OR2L13: variants seen among roughly 807,000 people sequenced by gnomAD.
OR2L13 encodes the protein olfactory receptor family 2 subfamily L member 13.
In OR2L13, 14 loss-of-function variants were observed where a neutral mutation model predicts 15.3. The ratio of observed to expected loss-of-function variants is 0.91; its 90% CI spans 0.60 to 1.43. The LOEUF is 1.43. OR2L13 is among the 40% of genes most tolerant of loss of function. The pLI, the probability that OR2L13 is intolerant of heterozygous loss-of-function variation, is 0.00. For synonymous variants in OR2L13, 152 were observed against 142.9 expected (o/e 1.06, Z -0.45); for missense variants, 367 against 387.9 (o/e 0.95, Z 0.45).
At chr1:247,949,879 A>G in the OR2L13 span, 2 of 1,127,300 alleles carry the variant, frequency 1.8e-6, no homozygotes. Flanking sequence ...TGTCCTTCCT[A>G]GAGTGCAGGA....
At chr1:248,073,684 T>C in the OR2L13 span, among the ~76,000 whole-genome samples, 2 of 151,372 alleles carry the variant, frequency 1.3e-5, no homozygotes, top group Non-Finnish European at 3.0e-5. Context: ...AAAAGAAGCA[T>C]GGATGTTAGC....
chr1:248,081,120 C>T, the OR2L13 span, among the ~76,000 whole-genome samples: 4 of 152,180 alleles, frequency 2.6e-5, no homozygotes, highest in Admixed American at 2.6e-4. Flanking sequence ...AGCTAACCCA[C>T]CATTTTGAAG....
the OR2L13 span, among the ~76,000 whole-genome samples, chr1:247,950,803 A>C: frequency 6.6e-6 from 1 of 152,158 alleles, no homozygotes; most frequent in Middle Eastern, 3.2e-3. Flanking sequence ...GGTTGTAAAA[A>C]TATAGATAGC....
At chr1:247,995,997 A>G in the OR2L13 span, among the ~76,000 whole-genome samples, 3 of 152,140 alleles carry the variant, frequency 2.0e-5, no homozygotes, top group Admixed American at 6.5e-5. Flanking sequence ...TTCTCCACCA[A>G]TCAGCAATCC....
the OR2L13 span, among the ~76,000 whole-genome samples, chr1:248,077,476 C>CT: frequency 6.6e-6 from 1 of 152,100 alleles, no homozygotes; most frequent in Non-Finnish European, 1.5e-5. Context: ...TGGTCCTGGA[C>CT]TTTTTTTGGT....
At chr1:247,961,542 A>G in the OR2L13 span, among the ~76,000 whole-genome samples, 3 of 152,326 alleles carry the variant, frequency 2.0e-5, no homozygotes, top group Admixed American at 1.3e-4. Flanking sequence ...AGGAAGGCAA[A>G]GACTCCGATG....
At chr1:248,048,329 A>G in the OR2L13 span, among the ~76,000 whole-genome samples, 1 of 152,192 alleles carries the variant, frequency 6.6e-6, no homozygotes, top group South Asian at 2.1e-4. Context: ...ACAAATACAC[A>G]TTGTGTAAAT....
the OR2L13 span, among the ~76,000 whole-genome samples, chr1:247,960,902 C>T: frequency 2.0e-5 from 3 of 152,300 alleles, no homozygotes; most frequent in African/African-American, 7.2e-5. Context: ...GAGGCCATGC[C>T]TTGCCCTGCT....
At chr1:248,013,483 C>A in the OR2L13 span, among the ~76,000 whole-genome samples, 1 of 152,094 alleles carries the variant, frequency 6.6e-6, no homozygotes, top group African/African-American at 2.4e-5. Context: ...TCTCAGTGGA[C>A]AATCCCCAGT....
chr1:248,071,726 C>T, the OR2L13 span, among the ~76,000 whole-genome samples: 4 of 150,274 alleles, frequency 2.7e-5, no homozygotes, highest in Admixed American at 1.3e-4. Context: ...ATCTAGAAAA[C>T]CCCATTGTCT....
chr1:248,040,847 A>T, the OR2L13 span: 80 of 152,288 alleles, frequency 5.3e-4, 1 homozygote, highest in African/African-American at 1.8e-3. Context: ...CTGTACTACA[A>T]TTGGAATAAT....
the OR2L13 span, among the ~76,000 whole-genome samples, chr1:248,056,495 A>G: frequency 6.6e-6 from 1 of 152,098 alleles, no homozygotes; most frequent in African/African-American, 2.4e-5. Context: ...CATTTAGTGC[A>G]ATAAATGTCC....
chr1:247,949,069 AT>A, the OR2L13 span: 11 of 1,613,880 alleles, frequency 6.8e-6, no homozygotes, highest in East Asian at 2.5e-4. Flanking sequence ...ATTGACCTAA[AT>A]TACATCTCCA....
At chr1:247,974,932 G>A in the OR2L13 span, 9 of 265,534 alleles carry the variant, frequency 3.4e-5, no homozygotes, top group Admixed American at 1.2e-4. Flanking sequence ...TTACTTAGTC[G>A]GCTCTACCTC....
exon 3 of OR2L13, chr1:248,100,412 T>G: frequency 1.8e-6 from 1 of 552,124 alleles, no homozygotes; most frequent in Middle Eastern, 2.7e-4. Flanking sequence ...TAATTTAAAA[T>G]TTTCTAATAG....
At chr1:248,070,061 A>G in the OR2L13 span, among the ~76,000 whole-genome samples, 2 of 152,114 alleles carry the variant, frequency 1.3e-5, no homozygotes, top group South Asian at 2.1e-4. Flanking sequence ...CATTAGACAG[A>G]TCAATGAGAC....
At chr1:248,080,318 G>A in the OR2L13 span, among the ~76,000 whole-genome samples, 154 of 152,150 alleles carry the variant, frequency 1.0e-3, no homozygotes, top group African/African-American at 3.6e-3. Context: ...GGGTACATGA[G>A]CAGAACATGA....
chr1:248,074,317 C>G, the OR2L13 span, among the ~76,000 whole-genome samples: 1 of 151,294 alleles, frequency 6.6e-6, no homozygotes, highest in Non-Finnish European at 1.5e-5. Context: ...ATTGAAATGC[C>G]AAATGCTAGT....
chr1:247,963,024 C>T, the OR2L13 span, among the ~76,000 whole-genome samples: 17 of 152,128 alleles, frequency 1.1e-4, no homozygotes, highest in Admixed American at 7.2e-4. Context: ...AGGCTCAGCC[C>T]GGGATGCCAT....
Sources: gnomAD v4.1 joint callset for allele counts (sites outside exome capture counted in the v4.1 genomes callset) on GRCh38, gnomAD v4.1.1 for gene constraint, MANE v1.5 for transcripts, NCBI Gene and HGNC (gene_info 2026-07-23, HGNC 2026-07-21) for gene names.